Variants in DNMT3A observed in about 807,000 individuals in gnomAD.
DNMT3A encodes the protein DNA methyltransferase 3 alpha.
Under a neutral mutation model 117.6 loss-of-function variants are expected in DNMT3A, and 267 were observed. The ratio of observed to expected loss-of-function variants is 2.27; its 90% CI spans 2.05 to 2.51. The LOEUF is 2.51. DNMT3A is among the 30% of genes most tolerant of loss of function. The pLI, the probability that DNMT3A is intolerant of heterozygous loss-of-function variation, is 0.00. For synonymous variants in DNMT3A, 432 were observed against 474.8 expected (o/e 0.91, Z 1.17); for missense variants, 1,029 against 1,260.2 (o/e 0.82, Z 2.78).
At chr2:25,250,369 A>C (rs1558677471) in intron 6 of DNMT3A, among the ~76,000 whole-genome samples, 1 of 152,240 alleles carries the variant, frequency 6.6e-6, no homozygotes, top group Admixed American at 6.5e-5. Context: ...CTGACTCAAC[A>C]AATTCTAAAA....
In DNMT3A at chr2:25,294,283, C is replaced by T. The variant is rs891587116; in HGVS notation, c.177+5856G>A. On this transcript the variant is annotated intron_variant, in intron 3 of 22. Transcript: ENST00000321117. The surrounding 1 kb of genome is among the most constrained non-coding windows in gnomAD (Gnocchi z 4.7). ...TTCCATGCAGCACTCCAGTAGCGGG[C>T]GTTGATTTCACCGCTCAGGTCGGGG... 1.3e-5 allele frequency among the ~76,000 whole-genome samples: 2 copies of T among 152,156 alleles called. No homozygotes were observed. Among genetic ancestry groups the T allele is most frequent in the African/African-American group, 2.4e-5 (1 of 41,442 alleles).
At chr2:25,246,501 G>A (rs558629245) in intron 10 of DNMT3A, 119 bp downstream of exon 10, 1 of 1,475,422 alleles carries the variant, frequency 6.8e-7, no homozygotes, top group Non-Finnish European at 9.1e-7. Flanking sequence ...GACCCCGGCT[G>A]TTCCCACTGG....
At chr2:25,245,869 G>T in intron 12 of DNMT3A, 151 bp downstream of exon 12, 1 of 1,048,602 alleles carries the variant, frequency 9.5e-7, no homozygotes. Flanking sequence ...CATGGCACCA[G>T]AAAGACAGAC....
At position 25,246,285 on chromosome 2, in the gene DNMT3A, A is replaced by G. The variant is rs1674760167; in HGVS notation, c.1304T>C (p.Val435Ala). The G allele has an allele frequency of 6.2e-7, 1 of 1,611,568 alleles. No individual in the cohort carries two copies. Among genetic ancestry groups the G allele is most frequent in the African/African-American group, 1.3e-5 (1 of 74,786 alleles). The change falls in exon 11 of 23, where the codon GTG (valine) becomes GCG (alanine). Residue 435 changes from valine to alanine, a missense_variant. Physicochemically the swap from Val to Ala is moderately conservative, Grantham distance 64 (BLOSUM62 0). Transcript: ENST00000321117. ...PEEEKNPYKE[V>A]YTDMWVEPEA... The stretch of plus-strand genomic sequence containing the variant: ...AGGTTCCACCCACATGTCCGTGTAC[A>G]CTTCTTTGTAGGGATTCTTCTCTTC...
intron 1 of DNMT3A, among the ~76,000 whole-genome samples, chr2:25,340,858 C>CGGCCCG (rs998704252): frequency 6.7e-4 from 96 of 144,124 alleles, no homozygotes; most frequent in East Asian, 6.6e-3. Flanking sequence ...CCGGCCCCCG[C>CGGCCCG]GGCCCGGGCC....
intron 2 of DNMT3A, among the ~76,000 whole-genome samples, chr2:25,303,095 A>G (rs1260627267): frequency 6.6e-6 from 1 of 152,210 alleles, no homozygotes; most frequent in Non-Finnish European, 1.5e-5. Flanking sequence ...AGATTCTGGA[A>G]AAACTCCTAC....
chr2:25,312,149 G>A (rs1025236557), intron 2 of DNMT3A, among the ~76,000 whole-genome samples: 6 of 152,154 alleles, frequency 3.9e-5, no homozygotes, highest in East Asian at 1.9e-4. Context: ...CACCTTATCC[G>A]ACAGAGAAAG....
At chr2:25,245,369 C>T (rs372561029) in intron 12 of DNMT3A, 37 bp from the exon 13 acceptor site, 32 of 1,586,848 alleles carry the variant, frequency 2.0e-5, no homozygotes, top group African/African-American at 4.0e-5. Flanking sequence ...TGAGTACCAC[C>T]GAAGGGCCTC....
chr2:25,314,025 G>C lies in DNMT3A; in HGVS notation c.-41C>G. 1 of 1,494,070 alleles carries C rather than the reference G, an allele frequency of 6.7e-7. No individual in the cohort carries two copies. The highest frequency in any genetic ancestry group is 1.3e-5 in the South Asian group (1 of 76,368). The allele number at this position is 1,494,070 out of a possible 1,614,324, so 92.6% of individuals were successfully genotyped here. On this transcript the variant is annotated 5_prime_UTR_variant, in exon 2 of 23. Coordinates refer to ENST00000321117, the MANE Select transcript of DNMT3A (RefSeq NM_022552.5). ...CAGGCTGGGGCTGCGCGGGGCTGGG[G>C]GGCTGCTGGGCTTTGGGGAAGGAAT...
intron 3 of DNMT3A, among the ~76,000 whole-genome samples, chr2:25,284,135 C>T (rs1419448167): frequency 1.3e-5 from 2 of 152,182 alleles, no homozygotes; most frequent in Non-Finnish European, 2.9e-5. Context: ...AGGCTGCACT[C>T]AGCAACTCTG....
At chr2:25,276,643 A>G (rs1167218501) in intron 4 of DNMT3A, among the ~76,000 whole-genome samples, 1 of 152,088 alleles carries the variant, frequency 6.6e-6, no homozygotes, top group Non-Finnish European at 1.5e-5. Context: ...AGCGCCCCGG[A>G]GGCTGCGGGG....
At chr2:25,235,584 A>C (rs1673261466) in intron 22 of DNMT3A, 123 bp downstream of exon 22, 3 of 751,002 alleles carry the variant, frequency 4.0e-6, no homozygotes, top group Non-Finnish European at 6.8e-6. Flanking sequence ...ATGCTTGATA[A>C]AACCCACTGT....
At chr2:25,332,443 C>A (rs1223486780) in intron 1 of DNMT3A, among the ~76,000 whole-genome samples, 1 of 152,256 alleles carries the variant, frequency 6.6e-6, no homozygotes, top group African/African-American at 2.4e-5. Flanking sequence ...TCCTTCCGCC[C>A]TGCCAGACCC....
intron 15 of DNMT3A, 26 bp from the exon 16 acceptor site, chr2:25,244,008 A>T: frequency 6.5e-7 from 1 of 1,547,930 alleles, no homozygotes. Flanking sequence ...AACAGGTCAG[A>T]TGCAGGCCCA....
At chr2:25,241,959 G>A in intron 16 of DNMT3A, 1 of 510,652 alleles carries the variant, frequency 2.0e-6, no homozygotes, top group Non-Finnish European at 3.4e-6. Context: ...TGACCGGAGA[G>A]TACATGGTTC....
intron 6 of DNMT3A, among the ~76,000 whole-genome samples, chr2:25,273,167 G>C (rs890156238): frequency 2.6e-5 from 4 of 151,922 alleles, no homozygotes; most frequent in Non-Finnish European, 5.9e-5. Context: ...GTAGAAACAG[G>C]GTTTTGCCAT....
At chr2:25,288,707 G>A (rs1317089186) in intron 3 of DNMT3A, among the ~76,000 whole-genome samples, 1 of 152,152 alleles carries the variant, frequency 6.6e-6, no homozygotes. Flanking sequence ...ACACTCTCAT[G>A]GTTATACAAC....
intron 1 of DNMT3A, 121 bp from the exon 2 acceptor site, chr2:25,314,282 C>A: frequency 8.1e-7 from 1 of 1,241,094 alleles, no homozygotes; most frequent in Non-Finnish European, 1.0e-6. Flanking sequence ...TCTGGCCTCA[C>A]CAGCACCCCA....
chr2:25,340,519 G>A (rs1243361042), intron 1 of DNMT3A, among the ~76,000 whole-genome samples: 1 of 152,072 alleles, frequency 6.6e-6, no homozygotes, highest in Non-Finnish European at 1.5e-5. Flanking sequence ...GCGCCGAAGG[G>A]GAGGGAAGGC....
Sources: allele counts gnomAD v4.1 joint callset (sites outside exome capture counted in the v4.1 genomes callset), GRCh38; gene constraint gnomAD v4.1.1; non-coding constraint Gnocchi (gnomAD v3.1); transcripts MANE v1.5; gene names NCBI Gene and HGNC (gene_info 2026-07-23, HGNC 2026-07-21).